BSG: variants seen among roughly 807,000 people sequenced by gnomAD.
The protein encoded by BSG is basigin.
In BSG, 37 loss-of-function variants were observed where a neutral mutation model predicts 43.1. The ratio of observed to expected loss-of-function variants is 0.86; its 90% CI spans 0.66 to 1.13. BSG has a LOEUF of 1.13. Ranked by LOEUF, BSG falls within the 50% of genes most tolerant of loss-of-function variation. BSG has a pLI of 0.00. For synonymous variants in BSG, 309 were observed against 238.7 expected, an observed-to-expected ratio of 1.29 and a Z score of -2.72; for missense variants, 599 against 554.2, an observed-to-expected ratio of 1.08 and a Z score of -0.81.
chr19:579,328 G>A (rs773102951), intron 2 of BSG, 172 bp from the exon 3 acceptor site: 19 of 892,166 alleles, frequency 2.1e-5, no homozygotes, highest in Middle Eastern at 2.1e-4. Context: ...TCCCGGAGGC[G>A]TGGCCAGAAG....
upstream of BSG, chr19:571,475 C>G (rs899528637): frequency 3.9e-6 from 3 of 775,988 alleles, no homozygotes; most frequent in Non-Finnish European, 7.2e-6. Context: ...TCCTTCCTAC[C>G]CGCGTTGCTG....
At chr19:576,341 C>T (rs1465004525) in intron 1 of BSG, among the ~76,000 whole-genome samples, 1 of 152,246 alleles carries the variant, frequency 6.6e-6, no homozygotes, top group African/African-American at 2.4e-5. Flanking sequence ...GCCAGCTGGG[C>T]AGCCTCTGGC....
chr19:578,750 C>T (rs62132625), intron 2 of BSG: 11 of 253,944 alleles, frequency 4.3e-5, no homozygotes, highest in East Asian at 1.3e-4. Flanking sequence ...TTTTTTTTTC[C>T]TGGAGATGGA....
Position 581,415 on chromosome 19 carries a change from A to G in BSG, c.893A>G (p.Gln298Arg). 1.2e-6 allele frequency: 2 copies of G among 1,612,766 alleles called. No individual in the cohort carries two copies. The highest frequency in any genetic ancestry group is 1.7e-6 in the Non-Finnish European group (2 of 1,179,922). The part of the protein sequence containing the change: ...ENLNMEADPG[Q>R]YRCNGTSSKG... ...CTGAACATGGAGGCCGACCCCGGCC[A>G]GTACCGGTGCAACGGCACCAGCTCC... The change falls in exon 6 of 9, where the codon CAG becomes CGG. Residue 298 changes from glutamine to arginine, a missense_variant. Physicochemically the swap from Gln to Arg is conservative, Grantham distance 43 (BLOSUM62 1). Coordinates refer to ENST00000333511, the MANE Select transcript of BSG (RefSeq NM_001728.4).
chr19:573,122 G>A (rs909026862), intron 1 of BSG, among the ~76,000 whole-genome samples: 2 of 152,070 alleles, frequency 1.3e-5, no homozygotes, highest in Non-Finnish European at 2.9e-5. Flanking sequence ...TGGCCCGCCC[G>A]CCGGTCCCAT....
At position 582,586 on chromosome 19, in the gene BSG, C is replaced by A; in HGVS notation, c.*5+4C>A. 1 of 919,692 alleles carries A rather than the reference C, an allele frequency of 1.1e-6. No individual in the cohort carries two copies. The highest frequency in any genetic ancestry group is 1.3e-6 in the Non-Finnish European group (1 of 756,972). The allele number at this position is 919,692 out of a possible 1,614,324, so 57.0% of individuals were successfully genotyped here. On this transcript the variant is annotated splice_donor_region_variant and intron_variant, in intron 8 of 8. Coordinates refer to ENST00000333511, the MANE Select transcript of BSG (RefSeq NM_001728.4). ...AGAGGAACTCTTCCTGAGGCAGGTG[C>A]GGTGGGCGGGAGCTCCTCCTGAGCC...
At chr19:578,254 C>A in intron 2 of BSG, 133 bp downstream of exon 2, 1 of 992,888 alleles carries the variant, frequency 1.0e-6, no homozygotes, top group Non-Finnish European at 1.4e-6. Context: ...GGCCCACCGC[C>A]TGGACGGAGG....
chr19:581,580 A>G lies in BSG; in HGVS notation c.1058A>G (p.Asp353Gly). The G allele has an allele frequency of 6.3e-7, 1 of 1,593,664 alleles. No individual in the cohort carries two copies. The highest frequency in any genetic ancestry group is 8.5e-7 in the Non-Finnish European group (1 of 1,172,414). The part of the protein sequence containing the change: ...FIYEKRRKPE[D>G]VLDDDDAGSA... ...TACGAGAAGCGCCGGAAGCCCGAGG[A>G]CGTCCTGGATGGTGAGCCGTCTGCC... The change falls in exon 6 of 9, where the codon GAC (aspartate) becomes GGC (glycine). Residue 353 changes from aspartate to glycine, a missense_variant. By Grantham distance (94) the Asp-to-Gly change is moderately conservative. Coordinates refer to ENST00000333511, the MANE Select transcript of BSG (RefSeq NM_001728.4).
At chr19:571,317 C>T, upstream of BSG, 1 of 591,118 alleles carries the variant, frequency 1.7e-6, no homozygotes. Context: ...TCCAGTTAGC[C>T]CTTCGCGTTC....
At position 578,033 on chromosome 19, in the gene BSG, G is replaced by T. The variant is rs1258857935; in HGVS notation, c.327G>T (p.Arg109=). The T allele has an allele frequency of 3.7e-6, 6 of 1,611,516 alleles. No homozygotes were observed. The highest frequency in any genetic ancestry group is 5.1e-6 in the Non-Finnish European group (6 of 1,179,460). Reference sequence around the variant, plus strand: ...AGGACACGGGCACTTACGAGTGCCGGGCCAGCAACGACCCGGATCGCAACC... The same window carrying T: ...AGGACACGGGCACTTACGAGTGCCGTGCCAGCAACGACCCGGATCGCAACC... The part of the protein sequence containing the change: ...VEEDTGTYEC[R]ASNDPDRNHL... Residue 109 remains arginine (R), a synonymous_variant, in exon 2 of 9, where the codon CGG becomes CGT. Transcript: ENST00000333511.
rs367889293 is a variant in BSG, at chr19:577,859, G to A, written c.153G>A (p.Val51=). ...ACTGCGAGGCCGTGGGCAGCCCGGT[G>A]CCCGAGATCCAGTGGTGGTTTGAAG... ...ELHCEAVGSP[V]PEIQWWFEGQ... is the part of the protein sequence containing the mutation. Residue 51 remains valine, a synonymous_variant, in exon 2 of 9, where the codon GTG becomes GTA. Coordinates refer to ENST00000333511, the MANE Select transcript of BSG (RefSeq NM_001728.4). The A allele has an allele frequency of 2.6e-6, 4 of 1,550,252 alleles. No individual in the cohort carries two copies. The African/African-American group carries it at 5.4e-5, about 21-fold the overall frequency.
intron 4 of BSG, 61 bp downstream of exon 4, chr19:580,522 A>G: frequency 1.2e-6 from 2 of 1,604,972 alleles, no homozygotes; most frequent in Non-Finnish European, 1.7e-6. Flanking sequence ...TGTTGGCCTG[A>G]GGCACCCGGC....
intron 1 of BSG, among the ~76,000 whole-genome samples, chr19:576,807 G>A (rs191599219): frequency 3.9e-5 from 6 of 152,044 alleles, no homozygotes; most frequent in African/African-American, 1.4e-4. Context: ...CTTGTCAACT[G>A]CGCCTGCCCA....
chr19:579,414 G>A, intron 2 of BSG, 86 bp from the exon 3 acceptor site: 1 of 1,560,480 alleles, frequency 6.4e-7, no homozygotes, highest in African/African-American at 1.3e-5. Flanking sequence ...CCTTCCCGGG[G>A]AGGAGCCGCA....
chr19:572,499 T>TC (rs1221173282), upstream of BSG: 2 of 1,198,250 alleles, frequency 1.7e-6, no homozygotes, highest in Non-Finnish European at 2.1e-6. Flanking sequence ...GCGACCGGCG[T>TC]CCCCGGCGCT....
chr19:580,227 C>T, intron 3 of BSG, 152 bp from the exon 4 acceptor site: 2 of 662,460 alleles, frequency 3.0e-6, no homozygotes, highest in South Asian at 1.9e-5. Context: ...CTTGGGGCCG[C>T]ACGGGGACCC....
intron 6 of BSG, 66 bp downstream of exon 6, chr19:581,657 G>C (rs560636050): frequency 1.3e-6 from 2 of 1,482,052 alleles, no homozygotes; most frequent in Non-Finnish European, 1.8e-6. Context: ...CTCCTGGTCC[G>C]TCCCTGCCAG....
At chr19:581,686 G>A in intron 6 of BSG, 95 bp downstream of exon 6, 2 of 1,426,766 alleles carry the variant, frequency 1.4e-6, no homozygotes, top group Non-Finnish European at 1.8e-6. Flanking sequence ...CTGACCCAGA[G>A]CTTGGAACTG....
At chr19:580,556 G>A (rs1600495238) in intron 4 of BSG, 90 bp from the exon 5 acceptor site, 1 of 1,603,858 alleles carries the variant, frequency 6.2e-7, no homozygotes, top group Non-Finnish European at 8.5e-7. Flanking sequence ...CTGGCCCCCT[G>A]CTCCCTGGAG....
Sources: gnomAD v4.1 joint callset for allele counts (sites outside exome capture counted in the v4.1 genomes callset) on GRCh38, gnomAD v4.1.1 for gene constraint, MANE v1.5 for transcripts, NCBI Gene and HGNC (gene_info 2026-07-23, HGNC 2026-07-21) for gene names.